Variants in ZC3H7B observed in about 807,000 individuals in gnomAD.
ZC3H7B encodes zinc finger CCCH-type containing 7B.
In ZC3H7B, 35 loss-of-function variants were observed where a neutral mutation model predicts 116.0. That is an observed-to-expected ratio of 0.30 (90% CI 0.23 to 0.40). ZC3H7B has a LOEUF of 0.40. Among genes scored for constraint, ZC3H7B ranks in the 10% least tolerant of loss-of-function variants. ZC3H7B has a pLI of 1.00. For missense variants in ZC3H7B, 1,011 were observed against 1,321.5 expected, an observed-to-expected ratio of 0.77 and a Z score of 3.64; for synonymous variants, 502 against 545.6, an observed-to-expected ratio of 0.92 and a Z score of 1.11.
intron 20 of ZC3H7B, 89 bp downstream of exon 20, chr22:41,356,151 A>G: frequency 6.9e-7 from 1 of 1,442,348 alleles, no homozygotes; most frequent in Non-Finnish European, 9.3e-7. Context: ...AAGAGCGTCC[A>G]CTGCACCCCT....
intron 5 of ZC3H7B, among the ~76,000 whole-genome samples, chr22:41,328,063 G>T (rs2036339540): frequency 6.6e-6 from 1 of 152,094 alleles, no homozygotes; most frequent in Non-Finnish European, 1.5e-5. Context: ...GGAGGTGGAG[G>T]TTGCAGTGAG....
chr22:41,333,415 C>T (rs1032474934), intron 7 of ZC3H7B: 3 of 152,068 alleles, frequency 2.0e-5, no homozygotes, highest in Non-Finnish European at 2.9e-5. Flanking sequence ...CACTTAATTT[C>T]GGGAGTTAAA....
At chr22:41,339,533 G>A (rs530845399) in intron 9 of ZC3H7B, among the ~76,000 whole-genome samples, 84 of 152,040 alleles carry the variant, frequency 5.5e-4, no homozygotes, top group Non-Finnish European at 1.1e-3. Context: ...GGCTGAGGCC[G>A]GAGAATCGCT....
chr22:41,349,042 G>T lies in ZC3H7B; in HGVS notation c.1767-78G>T. ...GGTGCCCAGGGAGAGCCTGGCACTG[G>T]GAAGGTGGCCCTACCAGGAGAGAAG... On this transcript the variant is annotated intron_variant, in intron 15 of 22. Transcript: ENST00000352645. The surrounding 1 kb of genome is among the most constrained non-coding windows in gnomAD (Gnocchi z 4.9). The T allele has an allele frequency of 6.7e-7, 1 of 1,483,764 alleles. No individual in the cohort carries two copies. The allele number at this position is 1,483,764 out of a possible 1,614,324, so 91.9% of individuals were successfully genotyped here.
chr22:41,334,512 T>G (rs896604013), intron 7 of ZC3H7B: 3 of 148,008 alleles, frequency 2.0e-5, no homozygotes, highest in African/African-American at 7.8e-5. Flanking sequence ...GCTGGGCTCC[T>G]CCTGCACATT....
chr22:41,347,987 C>A, intron 14 of ZC3H7B, 80 bp from the exon 15 acceptor site: 4 of 1,243,650 alleles, frequency 3.2e-6, no homozygotes, highest in Non-Finnish European at 4.7e-6. Context: ...CTGTCCTTCC[C>A]CAGCTAGCTG....
chr22:41,308,986 C>A (rs2036082270), intron 1 of ZC3H7B, among the ~76,000 whole-genome samples: 1 of 146,802 alleles, frequency 6.8e-6, no homozygotes, highest in Non-Finnish European at 1.5e-5. Flanking sequence ...CTCCTAAGGG[C>A]CTTCCCTAAA....
In ZC3H7B at chr22:41,340,030, C is replaced by A. The variant is rs376363106; in HGVS notation, c.1031C>A (p.Pro344His). Residue 344 changes from proline to histidine, a missense_variant, in exon 10 of 23, where the codon CCC becomes CAC. Coordinates refer to ENST00000352645, the MANE Select transcript of ZC3H7B (RefSeq NM_017590.6). ...SVLDALDPPG[P>H]TLDPLDLLPY... The stretch of plus-strand genomic sequence containing the variant: ...CTGGATGCCCTCGATCCCCCGGGCC[C>A]CACGCTGGACCCCCTGGACCTGCTG... The A allele has an allele frequency of 6.2e-7, 1 of 1,611,342 alleles. No individual in the cohort carries two copies.
In ZC3H7B at chr22:41,351,584, C is replaced by G. The variant is rs1483324566; in HGVS notation, c.1972C>G (p.Gln658Glu). 4 of 1,613,908 alleles carry G rather than the reference C, an allele frequency of 2.5e-6. No homozygotes were observed. The highest frequency in any genetic ancestry group is 2.2e-5 in the East Asian group (1 of 44,862). The change falls in exon 17 of 23, where the codon CAG becomes GAG. Residue 658 changes from glutamine (Q) to glutamate (E), a missense_variant. Coordinates refer to ENST00000352645, the MANE Select transcript of ZC3H7B (RefSeq NM_017590.6). The surrounding 1 kb of genome is among the most constrained non-coding windows in gnomAD (Gnocchi z 5.1). ...AGGCATGACCCACGAAGACATCGTT[C>G]AGGAGTCTAAGAAGTACTGGCAGCA... ...YSGMTHEDIV[Q>E]ESKKYWQQME...
At position 41,327,852 on chromosome 22, in the gene ZC3H7B, AG is replaced by A. The variant is rs2036337219; in HGVS notation, c.444+489del. 6.6e-6 allele frequency among the ~76,000 whole-genome samples: 1 copy of A among 152,242 alleles called. No homozygotes were observed. The highest frequency in any genetic ancestry group is 1.5e-5 in the Non-Finnish European group (1 of 68,052). ...TTAAGACCCTTTCTTGGCCAGACAC[AG>A]TGGCTCATGCCTGTAATCCCAGCAC... On this transcript the variant is annotated intron_variant, in intron 5 of 22. Transcript: ENST00000352645. The surrounding 1 kb of genome is among the most constrained non-coding windows in gnomAD (Gnocchi z 4.5).
chr22:41,319,427 G>C (rs371109300), intron 1 of ZC3H7B, among the ~76,000 whole-genome samples: 1 of 150,954 alleles, frequency 6.6e-6, no homozygotes, highest in African/African-American at 2.4e-5. Flanking sequence ...AAAAGTAGCC[G>C]GGCATAGTGG....
At chr22:41,354,355 A>G (rs1415711536) in intron 17 of ZC3H7B, among the ~76,000 whole-genome samples, 2 of 152,172 alleles carry the variant, frequency 1.3e-5, no homozygotes, top group Non-Finnish European at 2.9e-5. Flanking sequence ...TCACCTTATC[A>G]TCAGGGTCAC....
rs1044096363 is a variant in ZC3H7B at position 41,357,552 on chromosome 22, C to T, written c.*123C>T. 1.3e-5 allele frequency: 13 copies of T among 999,360 alleles called. No individual in the cohort carries two copies. The African/African-American group carries it at 1.5e-4, about 11-fold the overall frequency. The allele number at this position is 999,360 out of a possible 1,614,324, so 61.9% of individuals were successfully genotyped here. On this transcript the variant is annotated 3_prime_UTR_variant, in exon 23 of 23. Transcript: ENST00000352645. This position sits in a 1 kb window ranked among gnomAD's most constrained non-coding sequence, Gnocchi z 5.4. ...GCCGCCCTCATCAGGCAGCCCCCAG[C>T]CCCCTGAGGCCCTGTCCATCTTCTC...
At chr22:41,328,130 TAA>T (rs538694629) in intron 5 of ZC3H7B, among the ~76,000 whole-genome samples, 1 of 141,112 alleles carries the variant, frequency 7.1e-6, no homozygotes, top group Non-Finnish European at 1.6e-5. Context: ...GCTTGTCTAT[TAA>T]AAAAAAAAAA....
chr22:41,349,879 C>A lies in ZC3H7B; in HGVS notation c.1948+578C>A, dbSNP rs1188661028. 6.6e-6 allele frequency among the ~76,000 whole-genome samples: 1 copy of A among 152,198 alleles called. No individual in the cohort carries two copies. The highest frequency in any genetic ancestry group is 1.5e-5 in the Non-Finnish European group (1 of 68,040). On this transcript the variant is annotated intron_variant, in intron 16 of 22. Coordinates refer to ENST00000352645, the MANE Select transcript of ZC3H7B (RefSeq NM_017590.6). The surrounding 1 kb of genome is among the most constrained non-coding windows in gnomAD (Gnocchi z 4.9). ...TCAACAGGTGAATAAATCCTGTATTCCATCCATTCTAGGATGCACATTTAC... is the reference window on the plus strand; with the variant it reads ...TCAACAGGTGAATAAATCCTGTATTACATCCATTCTAGGATGCACATTTAC...
At chr22:41,310,768 T>TTTTG (rs1235708984) in intron 1 of ZC3H7B, among the ~76,000 whole-genome samples, 1 of 152,116 alleles carries the variant, frequency 6.6e-6, no homozygotes, top group African/African-American at 2.4e-5. Context: ...AAAGGGAGTT[T>TTTTG]TTTGTTTGTT....
rs1173283186 is a variant in ZC3H7B at position 41,351,808 on chromosome 22, CTCATT to C, written c.2034+164_2034+168del. Reference sequence around the variant, plus strand: ...TAATGTACACATTCAGCTGTTGTGTCTCATTTTATTTTATTTTATTTTATTTTATT... The same window carrying C: ...TAATGTACACATTCAGCTGTTGTGTCTTATTTTATTTTATTTTATTTTATT... On this transcript the variant is annotated intron_variant, in intron 17 of 22. Coordinates refer to ENST00000352645, the MANE Select transcript of ZC3H7B (RefSeq NM_017590.6). This position sits in a 1 kb window ranked among gnomAD's most constrained non-coding sequence, Gnocchi z 5.1. 1.3e-4 allele frequency among the ~76,000 whole-genome samples: 17 copies of C among 134,158 alleles called. No individual in the cohort carries two copies. Among genetic ancestry groups the C allele is most frequent in the African/African-American group, 5.6e-4 (17 of 30,290 alleles). The allele number at this position is 134,158 out of a possible 152,430, so 88.0% of individuals were successfully genotyped here. A position where few individuals can be genotyped will look rare whatever the true frequency, so the allele number is the denominator to read the frequency against.
At chr22:41,322,432 C>T (rs2036269875) in intron 2 of ZC3H7B, among the ~76,000 whole-genome samples, 1 of 152,012 alleles carries the variant, frequency 6.6e-6, no homozygotes, top group Admixed American at 6.6e-5. Flanking sequence ...GTGATCTGCC[C>T]TCCTCGGCCT....
chr22:41,349,286 C>T lies in ZC3H7B; in HGVS notation c.1933C>T (p.Leu645=), dbSNP rs766032949. ...HSFIELKVWL[L]QQYSGMTHED... is the part of the protein sequence containing the mutation. ...CTTCATCGAGCTCAAGGTCTGGCTG[C>T]TGCAGCAGTACTCAGGTGAGGGGCA... Residue 645 remains leucine, a synonymous_variant, in exon 16 of 23, where the codon CTG becomes TTG. Coordinates refer to ENST00000352645, the MANE Select transcript of ZC3H7B (RefSeq NM_017590.6). The surrounding 1 kb of genome is among the most constrained non-coding windows in gnomAD (Gnocchi z 4.9). 9 of 1,613,532 alleles carry T rather than the reference C, an allele frequency of 5.6e-6. No homozygotes were observed. Among genetic ancestry groups the T allele is most frequent in the South Asian group, 2.2e-5 (2 of 91,082 alleles).
Sources: allele counts gnomAD v4.1 joint callset (sites outside exome capture counted in the v4.1 genomes callset), GRCh38; gene constraint gnomAD v4.1.1; non-coding constraint Gnocchi (gnomAD v3.1); transcripts MANE v1.5; gene names NCBI Gene and HGNC (gene_info 2026-07-23, HGNC 2026-07-21).